The following TAS2R60 variants were observed in gnomAD, a reference collection of about 807,000 sequenced individuals.
The protein encoded by TAS2R60 is taste receptor type 2 member 60.
A neutral mutation model predicts 19.5 loss-of-function variants in TAS2R60; 16 were observed. The ratio of observed to expected loss-of-function variants is 0.82; its 90% confidence interval spans 0.55 to 1.24. TAS2R60 has a LOEUF of 1.24. Ranked by LOEUF, TAS2R60 falls within the 50% of genes most tolerant of loss-of-function variation. TAS2R60 has a pLI of 0.00. For missense variants in TAS2R60, 362 were observed against 382.7 expected, an observed-to-expected ratio of 0.95 and a Z score of 0.45; for synonymous variants, 141 against 143.3, an observed-to-expected ratio of 0.98 and a Z score of 0.11.
At position 143,443,790 on chromosome 7, in the gene TAS2R60, G is replaced by T. The variant is rs1806405466; in HGVS notation, c.338G>T (p.Trp113Leu). 6.2e-6 allele frequency: 10 copies of T among 1,613,500 alleles called. No homozygotes were observed. The highest frequency in any genetic ancestry group is 8.5e-6 in the Non-Finnish European group (10 of 1,180,024). ...GCTGCCACCTTATGGTCCTCTACCT[G>T]GCTCAGTGTCTTCTATTGTGTGAAA... ...LNAATLWSST[W>L]LSVFYCVKIA... The change falls in exon 1 of 1, where the codon TGG becomes TTG. Residue 113 changes from tryptophan to leucine, a missense_variant. Transcript: ENST00000332690.
Position 143,443,546 on chromosome 7 carries a change from A to G in TAS2R60, c.94A>G (p.Ile32Val), listed in dbSNP as rs1462397914. ...TTTACTCCTTTTACGCCTGGTAGCA[A>G]TAGCAGGCAATGGCTTCATCACTGC... Reference protein sequence around the residue: ...TILLLLRLVAIAGNGFITAAL... With the variant: ...TILLLLRLVAVAGNGFITAAL... Residue 32 changes from isoleucine to valine, a missense_variant, in exon 1 of 1, where the codon ATA (isoleucine) becomes GTA (valine). Ile to Val is a conservative substitution (Grantham distance 29, BLOSUM62 3). Coordinates refer to ENST00000332690, the MANE Select transcript of TAS2R60 (RefSeq NM_177437.1). 1 of 1,614,224 alleles carries G rather than the reference A, an allele frequency of 6.2e-7. No homozygotes were observed. The highest frequency in any genetic ancestry group is 1.3e-5 in the African/African-American group (1 of 75,062).
At position 143,443,981 on chromosome 7, in the gene TAS2R60, C is replaced by A; in HGVS notation, c.529C>A (p.Pro177Thr). 6.2e-7 allele frequency: 1 copy of A among 1,614,188 alleles called. No individual in the cohort carries two copies. Among genetic ancestry groups the A allele is most frequent in the South Asian group, 1.1e-5 (1 of 91,086 alleles). The change falls in exon 1 of 1, where the codon CCT (proline) becomes ACT (threonine). Residue 177 changes from proline (P) to threonine (T), a missense_variant. Transcript: ENST00000332690. ...GAACTATTTAAGGAACCATCTACAA[C>A]CTTGGAATGTCACTGGCGATAGCAT... is the stretch of plus-strand genomic sequence containing the variant. ...YQNYLRNHLQ[P>T]WNVTGDSIRS...
At position 143,443,877 on chromosome 7, in the gene TAS2R60, C is replaced by T. The variant is rs1806407468; in HGVS notation, c.425C>T (p.Pro142Leu). The T allele has an allele frequency of 1.2e-6, 2 of 1,613,900 alleles. No homozygotes were observed. The highest frequency in any genetic ancestry group is 2.7e-5 in the African/African-American group (2 of 75,032). ...AAGCACAAGTTGTCTGGGTGGCTAC[C>T]ATGGATGCTCTTCAGCTCTGTAGGG... ...WLKHKLSGWL[P>L]WMLFSSVGLS... The change falls in exon 1 of 1, where the codon CCA becomes CTA. Residue 142 changes from proline (P) to leucine (L), a missense_variant. Physicochemically the swap from Pro to Leu is moderately conservative, Grantham distance 98. Transcript: ENST00000332690.
Position 143,443,941 on chromosome 7 carries a change from C to T in TAS2R60, c.489C>T (p.Asn163=), listed in dbSNP as rs181824636. The change falls in exon 1 of 1, where the codon AAC becomes AAT. Residue 163 remains asparagine (N), a synonymous_variant. Transcript: ENST00000332690. ...CCACCATTCTATTTTTCATAGGCAACCACAGAATGTATCAGAACTATTTAA... is the reference window on the plus strand; with the variant it reads ...CCACCATTCTATTTTTCATAGGCAATCACAGAATGTATCAGAACTATTTAA... The part of the protein sequence containing the change: ...SFTTILFFIG[N]HRMYQNYLRN... 3.7e-6 allele frequency: 6 copies of T among 1,614,146 alleles called. No individual in the cohort carries two copies. Among genetic ancestry groups the T allele is most frequent in the East Asian group, 2.2e-5 (1 of 44,886 alleles).
At chr7:143,443,923 TC>T in the TAS2R60 span, 33 of 1,614,058 alleles carry the variant, frequency 2.0e-5, no homozygotes, top group Non-Finnish European at 2.8e-5. Flanking sequence ...TCACCACCAT[TC>T]TATTTTTCAT....
rs144050978 is a variant in TAS2R60 at position 143,443,484 on chromosome 7, C to G, written c.32C>G (p.Ser11Trp). 6.2e-7 allele frequency: 1 copy of G among 1,612,698 alleles called. No individual in the cohort carries two copies. Among genetic ancestry groups the G allele is most frequent in the Non-Finnish European group, 8.5e-7 (1 of 1,179,304 alleles). The change falls in exon 1 of 1, where the codon TCG becomes TGG. Residue 11 changes from serine to tryptophan, a missense_variant. Ser to Trp is a radical substitution (Grantham distance 177). Coordinates refer to ENST00000332690, the MANE Select transcript of TAS2R60 (RefSeq NM_177437.1). MNGDHMVLGS[S>W]VTDKKAIILV... is the part of the protein sequence containing the mutation. ...GGAGACCACATGGTTCTAGGATCTT[C>G]GGTGACTGACAAGAAGGCCATCATC...
In TAS2R60 at chr7:143,444,039, C is replaced by G; in HGVS notation, c.587C>G (p.Pro196Arg). 1.9e-6 allele frequency: 3 copies of G among 1,614,192 alleles called. No homozygotes were observed. The highest frequency in any genetic ancestry group is 2.5e-6 in the Non-Finnish European group (3 of 1,180,030). ...RSYCEKFYLF[P>R]LKMITWTMPT... Reference sequence around the variant, plus strand: ...TACTGTGAGAAATTCTATCTCTTCCCTCTAAAAATGATTACTTGGACAATG... The same window carrying G: ...TACTGTGAGAAATTCTATCTCTTCCGTCTAAAAATGATTACTTGGACAATG... Residue 196 changes from proline to arginine, a missense_variant, in exon 1 of 1, where the codon CCT becomes CGT. Transcript: ENST00000332690.
rs867240539 is a variant in TAS2R60, at chr7:143,444,312, T to G, written c.860T>G (p.Leu287Arg). The G allele has an allele frequency of 2.5e-6, 4 of 1,613,950 alleles. No homozygotes were observed. The African/African-American group carries it at 4.0e-5, about 16-fold the overall frequency. ...KFWVWESVIY[L>R]CAAVHPIILL... ...TGGGTGTGGGAGTCAGTGATTTATC[T>G]GTGTGCAGCAGTTCACCCCATCATT... The change falls in exon 1 of 1, where the codon CTG becomes CGG. Residue 287 changes from leucine (L) to arginine (R), a missense_variant. By Grantham distance (102) the Leu-to-Arg change is moderately radical. Coordinates refer to ENST00000332690, the MANE Select transcript of TAS2R60 (RefSeq NM_177437.1).
At position 143,444,393 on chromosome 7, in the gene TAS2R60, G is replaced by T; in HGVS notation, c.941G>T (p.Arg314Met). The stretch of plus-strand genomic sequence containing the variant: ...GTGCTGAAGAGTCGTCGTTCCTCAA[G>T]GTGTGGGACACCTTGAGCCACAGCT... The part of the protein sequence containing the change: ...RAVLKSRRSS[R>M]CGTP The change falls in exon 1 of 1, where the codon AGG becomes ATG. Residue 314 changes from arginine to methionine, a missense_variant. Transcript: ENST00000332690. The T allele has an allele frequency of 6.2e-7, 1 of 1,603,854 alleles. No individual in the cohort carries two copies. The highest frequency in any genetic ancestry group is 8.5e-7 in the Non-Finnish European group (1 of 1,179,166).
At position 143,444,266 on chromosome 7, in the gene TAS2R60, C is replaced by T. The variant is rs267601365; in HGVS notation, c.814C>T (p.Pro272Ser). 12 of 1,614,016 alleles carry T rather than the reference C, an allele frequency of 7.4e-6. No homozygotes were observed. Among genetic ancestry groups the T allele is most frequent in the Non-Finnish European group, 1.0e-5 (12 of 1,180,038 alleles). Residue 272 changes from proline to serine, a missense_variant, in exon 1 of 1, where the codon CCA (proline) becomes TCA (serine). Transcript: ENST00000332690. ...SLVFSAAGIF[P>S]PLDFKFWVWE... ...GGTGTTCAGTGCTGCAGGTATTTTTCCACCTCTGGACTTTAAATTCTGGGT... is the reference window on the plus strand; with the variant it reads ...GGTGTTCAGTGCTGCAGGTATTTTTTCACCTCTGGACTTTAAATTCTGGGT...
At position 143,443,602 on chromosome 7, in the gene TAS2R60, A is replaced by G. The variant is rs1806400949; in HGVS notation, c.150A>G (p.Arg50=). Residue 50 remains arginine (R), a synonymous_variant, in exon 1 of 1, where the codon AGA becomes AGG. Transcript: ENST00000332690. The stretch of plus-strand genomic sequence containing the variant: ...TGGGCGTGGAGTGGGTGCTACGGAG[A>G]ATGTTGTTGCCTTGTGATAAGTTAT... ...AALGVEWVLR[R]MLLPCDKLLV... 3.7e-6 allele frequency: 6 copies of G among 1,614,050 alleles called. No homozygotes were observed. The East Asian group carries it at 1.1e-4, about 30-fold the overall frequency.
chr7:143,444,245 T>C lies in TAS2R60; in HGVS notation c.793T>C (p.Phe265Leu). ...LFISYFLSLVFSAAGIFPPLD... is the reference protein window; with the variant it reads ...LFISYFLSLVLSAAGIFPPLD... ...CATCTCATATTTCCTGTCACTGGTG[T>C]TCAGTGCTGCAGGTATTTTTCCACC... The change falls in exon 1 of 1, where the codon TTC (phenylalanine) becomes CTC (leucine). Residue 265 changes from phenylalanine (F) to leucine (L), a missense_variant. Coordinates refer to ENST00000332690, the MANE Select transcript of TAS2R60 (RefSeq NM_177437.1). The C allele has an allele frequency of 6.2e-7, 1 of 1,614,190 alleles. No individual in the cohort carries two copies. Among genetic ancestry groups the C allele is most frequent in the Non-Finnish European group, 8.5e-7 (1 of 1,180,028 alleles).
chr7:143,444,338 C>T lies in TAS2R60; in HGVS notation c.886C>T (p.Leu296=), dbSNP rs1013213242. 3.7e-6 allele frequency: 6 copies of T among 1,613,056 alleles called. No homozygotes were observed. The highest frequency in any genetic ancestry group is 4.2e-6 in the Non-Finnish European group (5 of 1,180,012). Residue 296 remains leucine, a synonymous_variant, in exon 1 of 1, where the codon CTG becomes TTG. Coordinates refer to ENST00000332690, the MANE Select transcript of TAS2R60 (RefSeq NM_177437.1). Reference sequence around the variant, plus strand: ...GTGTGCAGCAGTTCACCCCATCATTCTGCTCTTCAGCAACTGCAGGCTGAG... The same window carrying T: ...GTGTGCAGCAGTTCACCCCATCATTTTGCTCTTCAGCAACTGCAGGCTGAG... The part of the protein sequence containing the change: ...YLCAAVHPII[L]LFSNCRLRAV...
rs1156482437 is a variant in TAS2R60 at position 143,444,358 on chromosome 7, G to A, written c.906G>A (p.Arg302=). ...HPIILLFSNC[R]LRAVLKSRRS... The stretch of plus-strand genomic sequence containing the variant: ...TCATTCTGCTCTTCAGCAACTGCAG[G>A]CTGAGAGCTGTGCTGAAGAGTCGTC... Residue 302 remains arginine, a synonymous_variant, in exon 1 of 1, where the codon AGG becomes AGA. Transcript: ENST00000332690. The A allele has an allele frequency of 6.2e-7, 1 of 1,611,292 alleles. No individual in the cohort carries two copies.
chr7:143,444,132 C>T lies in TAS2R60; in HGVS notation c.680C>T (p.Ala227Val). 2 of 1,614,212 alleles carry T rather than the reference C, an allele frequency of 1.2e-6. No homozygotes were observed. Among genetic ancestry groups the T allele is most frequent in the East Asian group, 4.5e-5 (2 of 44,882 alleles). Reference sequence around the variant, plus strand: ...TCTCTGGGAAGACACAGGAAGAAGGCTCTCCTTACAACCTCAGGATTCCGA... The same window carrying T: ...TCTCTGGGAAGACACAGGAAGAAGGTTCTCCTTACAACCTCAGGATTCCGA... ...ITSLGRHRKK[A>V]LLTTSGFREP... Residue 227 changes from alanine (A) to valine (V), a missense_variant, in exon 1 of 1, where the codon GCT becomes GTT. Physicochemically the swap from Ala to Val is moderately conservative, Grantham distance 64. Transcript: ENST00000332690.
chr7:143,443,807 T>C lies in TAS2R60; in HGVS notation c.355T>C (p.Cys119Arg), dbSNP rs1414648982. The change falls in exon 1 of 1, where the codon TGT (cysteine) becomes CGT (arginine). Residue 119 changes from cysteine (C) to arginine (R), a missense_variant. Coordinates refer to ENST00000332690, the MANE Select transcript of TAS2R60 (RefSeq NM_177437.1). Reference protein sequence around the residue: ...WSSTWLSVFYCVKIATFTHPV... With the variant: ...WSSTWLSVFYRVKIATFTHPV... ...CTCTACCTGGCTCAGTGTCTTCTAT[T>C]GTGTGAAAATTGCTACCTTCACCCA... The C allele has an allele frequency of 1.2e-5, 20 of 1,613,374 alleles. No individual in the cohort carries two copies. Among genetic ancestry groups the C allele is most frequent in the Non-Finnish European group, 1.7e-5 (20 of 1,180,020 alleles).
chr7:143,444,137 C>T lies in TAS2R60; in HGVS notation c.685C>T (p.Leu229Phe). ...GGGAAGACACAGGAAGAAGGCTCTC[C>T]TTACAACCTCAGGATTCCGAGAGCC... ...SLGRHRKKAL[L>F]TTSGFREPSV... Residue 229 changes from leucine (L) to phenylalanine (F), a missense_variant, in exon 1 of 1, where the codon CTT becomes TTT. Coordinates refer to ENST00000332690, the MANE Select transcript of TAS2R60 (RefSeq NM_177437.1). The T allele has an allele frequency of 6.2e-7, 1 of 1,614,240 alleles. No homozygotes were observed. The highest frequency in any genetic ancestry group is 1.1e-5 in the South Asian group (1 of 91,088).
chr7:143,443,721 A>C lies in TAS2R60; in HGVS notation c.269A>C (p.Asn90Thr). 1 of 1,614,078 alleles carries C rather than the reference A, an allele frequency of 6.2e-7. No individual in the cohort carries two copies. Among genetic ancestry groups the C allele is most frequent in the African/African-American group, 1.3e-5 (1 of 74,998 alleles). The change falls in exon 1 of 1, where the codon AAC (asparagine) becomes ACC (threonine). Residue 90 changes from asparagine (N) to threonine (T), a missense_variant. Coordinates refer to ENST00000332690, the MANE Select transcript of TAS2R60 (RefSeq NM_177437.1). ...TTGCATCCGATGGCCTTCCCATACAACCCTGTACTGCAGTTTCTAGCTTTC... is the reference window on the plus strand; with the variant it reads ...TTGCATCCGATGGCCTTCCCATACACCCCTGTACTGCAGTTTCTAGCTTTC... ...VFLHPMAFPY[N>T]PVLQFLAFQW...
In TAS2R60 at chr7:143,444,071, G is replaced by A; in HGVS notation, c.619G>A (p.Ala207Thr). The change falls in exon 1 of 1, where the codon GCT becomes ACT. Residue 207 changes from alanine to threonine, a missense_variant. Coordinates refer to ENST00000332690, the MANE Select transcript of TAS2R60 (RefSeq NM_177437.1). ...LKMITWTMPT[A>T]VFFICMILLI... ...AATGATTACTTGGACAATGCCCACT[G>A]CTGTCTTTTTCATTTGCATGATTTT... 1 of 1,614,168 alleles carries A rather than the reference G, an allele frequency of 6.2e-7. No individual in the cohort carries two copies. The highest frequency in any genetic ancestry group is 1.1e-5 in the South Asian group (1 of 91,078).
Sources: allele counts gnomAD v4.1 joint callset, GRCh38; gene constraint gnomAD v4.1.1; transcripts MANE v1.5; gene names NCBI Gene and HGNC (gene_info 2026-07-23, HGNC 2026-07-21).